The following RGS6 variants were observed in gnomAD, a reference collection of about 807,000 sequenced individuals.
The protein encoded by RGS6 is regulator of G protein signaling 6.
A neutral mutation model predicts 78.5 loss-of-function variants in RGS6; 30 were observed. The observed-to-expected ratio is 0.38, with a 90% CI of 0.29 to 0.52. The LOEUF (loss-of-function observed/expected upper bound fraction) is 0.52, where lower values mean the gene tolerates loss of function less well. RGS6 is among the 20% of genes least tolerant of loss of function. The probability of loss-of-function intolerance (pLI) is 0.85; values close to 1 mark genes in which losing one functional copy is unlikely to be tolerated. For missense variants in RGS6, 495 were observed against 609.7 expected (o/e 0.81, Z 1.98); for synonymous variants, 206 against 206.0 (o/e 1.00, Z 0.00).
intron 2 of RGS6, among the ~76,000 whole-genome samples, chr14:72,105,794 A>C (rs1158341973): frequency 6.6e-6 from 1 of 152,228 alleles, no homozygotes; most frequent in African/African-American, 2.4e-5. Context: ...GTTCCATAGC[A>C]GTCTTCGAGA....
Position 72,476,753 on chromosome 14 carries a change from C to T in RGS6, c.705C>T (p.Gly235=), listed in dbSNP as rs994356100. The T allele has an allele frequency of 8.7e-6, 14 of 1,613,828 alleles. No homozygotes were observed. Among genetic ancestry groups the T allele is most frequent in the Admixed American group, 3.3e-5 (2 of 60,002 alleles). ...NPQKVKKSVY[G]VTEESQAQSP... is the part of the protein sequence containing the mutation. Reference sequence around the variant, plus strand: ...GCTTCTTCTCCTAGTCCGTGTATGGCGTGACTGAAGAGTCCCAGGCACAGA... The same window carrying T: ...GCTTCTTCTCCTAGTCCGTGTATGGTGTGACTGAAGAGTCCCAGGCACAGA... The change falls in exon 11 of 18, where the codon GGC becomes GGT. Residue 235 remains glycine (G), a synonymous_variant. Coordinates refer to ENST00000553525, the MANE Select transcript of RGS6 (RefSeq NM_001204424.2).
At chr14:71,896,707 G>A in the RGS6 span, among the ~76,000 whole-genome samples, 1 of 152,212 alleles carries the variant, frequency 6.6e-6, no homozygotes, top group Non-Finnish European at 1.5e-5. Flanking sequence ...CTACCAGAAA[G>A]TAGCTTATGC....
At chr14:72,261,421 A>C (rs1335877135) in intron 2 of RGS6, among the ~76,000 whole-genome samples, 1 of 152,024 alleles carries the variant, frequency 6.6e-6, no homozygotes, top group Non-Finnish European at 1.5e-5. Context: ...GTTGGATATG[A>C]GATTGAAGTT....
chr14:72,540,837 TG>T, intron 17 of RGS6: 1 of 985,402 alleles, frequency 1.0e-6, no homozygotes, highest in South Asian at 4.7e-5. Flanking sequence ...TACAGGTTCA[TG>T]GTACGCCCCA....
chr14:72,573,114 C>T, the RGS6 span, among the ~76,000 whole-genome samples: 16 of 152,140 alleles, frequency 1.1e-4, no homozygotes, highest in Non-Finnish European at 2.2e-4. Flanking sequence ...CATCCCAGAG[C>T]GAGTGGTCCA....
At chr14:72,241,274 A>G (rs981038629) in intron 2 of RGS6, among the ~76,000 whole-genome samples, 5 of 152,210 alleles carry the variant, frequency 3.3e-5, no homozygotes, top group African/African-American at 7.2e-5. Context: ...TGTTGGTCAA[A>G]TATAGATGCA....
chr14:72,473,369 G>A (rs1435137827), intron 9 of RGS6, among the ~76,000 whole-genome samples: 3 of 152,170 alleles, frequency 2.0e-5, no homozygotes, highest in Admixed American at 6.5e-5. Context: ...GTGTGAACCC[G>A]GGAGGCGGAG....
the RGS6 span, among the ~76,000 whole-genome samples, chr14:71,915,350 C>G: frequency 6.6e-6 from 1 of 152,132 alleles, no homozygotes; most frequent in African/African-American, 2.4e-5. Context: ...GATGGGAGCC[C>G]CACCCTTTCC....
At chr14:71,922,580 T>G in the RGS6 span, among the ~76,000 whole-genome samples, 1 of 148,684 alleles carries the variant, frequency 6.7e-6, no homozygotes, top group Non-Finnish European at 1.5e-5. Context: ...TTGATACAGG[T>G]ACAATACAGT....
chr14:72,482,936 G>A (rs1197524240), intron 12 of RGS6, among the ~76,000 whole-genome samples: 1 of 152,130 alleles, frequency 6.6e-6, no homozygotes, highest in Non-Finnish European at 1.5e-5. Context: ...TCTTTTTTGT[G>A]AGGTGTGTTG....
At chr14:72,286,310 G>T (rs34870583) in intron 2 of RGS6, among the ~76,000 whole-genome samples, 1 of 152,030 alleles carries the variant, frequency 6.6e-6, no homozygotes, top group East Asian at 1.9e-4. Context: ...TTGAAGATCA[G>T]TTGACTGTAT....
At chr14:72,162,481 A>T (rs1421947752) in intron 2 of RGS6, among the ~76,000 whole-genome samples, 2 of 152,098 alleles carry the variant, frequency 1.3e-5, no homozygotes, top group East Asian at 3.9e-4. Flanking sequence ...TGGGCATGTG[A>T]TGTCTGGAGT....
intron 10 of RGS6, 33 bp from the exon 11 acceptor site, chr14:72,476,709 T>C (rs771290413): frequency 2.5e-6 from 4 of 1,596,678 alleles, no homozygotes; most frequent in Non-Finnish European, 3.4e-6. Context: ...ATTCTGTGGG[T>C]GGATGATCCT....
intron 13 of RGS6, 127 bp from the exon 14 acceptor site, chr14:72,510,027 C>T: frequency 1.9e-6 from 2 of 1,054,118 alleles, no homozygotes; most frequent in South Asian, 3.5e-5. Flanking sequence ...GTAGAATCTG[C>T]CCCTTAAATA....
intron 3 of RGS6, among the ~76,000 whole-genome samples, chr14:72,382,987 C>G (rs979449155): frequency 6.6e-6 from 1 of 151,716 alleles, no homozygotes; most frequent in Non-Finnish European, 1.5e-5. Flanking sequence ...TGGAGGTACT[C>G]GGTATCAATC....
intron 2 of RGS6, among the ~76,000 whole-genome samples, chr14:72,172,275 T>A (rs1242734852): frequency 6.6e-6 from 1 of 151,222 alleles, no homozygotes; most frequent in African/African-American, 2.4e-5. Context: ...ATGTCATAGT[T>A]CTTTTGTGTA....
chr14:72,058,036 C>T (rs551044664), intron 2 of RGS6, among the ~76,000 whole-genome samples: 1 of 151,434 alleles, frequency 6.6e-6, no homozygotes, highest in African/African-American at 2.4e-5. Context: ...GCTTATCCTG[C>T]TATGTGATGC....
chr14:72,037,238 C>T (rs377723320), intron 2 of RGS6, among the ~76,000 whole-genome samples: 14 of 152,302 alleles, frequency 9.2e-5, no homozygotes, highest in African/African-American at 3.4e-4. Context: ...AAGCTGGCCA[C>T]CCAAGCCAGC....
chr14:72,475,199 G>GTTTTTTTTT (rs11300478), intron 10 of RGS6, among the ~76,000 whole-genome samples: 2 of 122,010 alleles, frequency 1.6e-5, no homozygotes, highest in Non-Finnish European at 3.4e-5. Context: ...CTTTTTTATG[G>GTTTTTTTTT]TTTTTTTTTT....
Sources: allele counts gnomAD v4.1 joint callset (sites outside exome capture counted in the v4.1 genomes callset), GRCh38; gene constraint gnomAD v4.1.1; transcripts MANE v1.5; gene names NCBI Gene and HGNC (gene_info 2026-07-23, HGNC 2026-07-21).